The following TLE4 variants were observed in gnomAD, a reference collection of about 807,000 sequenced individuals.
The protein encoded by TLE4 is TLE family member 4, transcriptional corepressor, also known as transducin-like enhancer protein 4.
In TLE4, 8 loss-of-function variants were observed where a neutral mutation model predicts 92.8. The ratio of observed to expected loss-of-function variants is 0.09; its 90% CI spans 0.05 to 0.16. The LOEUF is 0.16. TLE4 is among the 10% of genes least tolerant of loss of function. The pLI is 1.00. For missense variants in TLE4, 675 were observed against 997.6 expected, an observed-to-expected ratio of 0.68 and a Z score of 4.36; for synonymous variants, 371 against 374.1, an observed-to-expected ratio of 0.99 and a Z score of 0.10.
intron 4 of TLE4, among the ~76,000 whole-genome samples, chr9:79,593,182 G>A (rs2043113024): frequency 6.6e-6 from 1 of 152,016 alleles, no homozygotes; most frequent in South Asian, 2.1e-4. Context: ...TTGCTTGGTG[G>A]CATAAAGCCA....
At chr9:79,686,880 A>T (rs1316823) in intron 8 of TLE4, among the ~76,000 whole-genome samples, 1 of 152,044 alleles carries the variant, frequency 6.6e-6, no homozygotes, top group African/African-American at 2.4e-5. Flanking sequence ...GTGTTTCATC[A>T]TCAGTGAAGT....
intron 5 of TLE4, among the ~76,000 whole-genome samples, chr9:79,615,989 G>T (rs1347615544): frequency 6.6e-6 from 1 of 152,126 alleles, no homozygotes; most frequent in East Asian, 1.9e-4. Context: ...GAAAAACCTT[G>T]TGAACCCTCA....
chr9:79,706,060 T>C, intron 10 of TLE4, 118 bp downstream of exon 10: 1 of 1,023,992 alleles, frequency 9.8e-7, no homozygotes, highest in Non-Finnish European at 1.6e-6. Context: ...GTTGTTGTTT[T>C]TTGAGGCAGG....
intron 14 of TLE4, among the ~76,000 whole-genome samples, chr9:79,712,514 C>T (rs1276129678): frequency 6.6e-6 from 1 of 152,180 alleles, no homozygotes; most frequent in African/African-American, 2.4e-5. Flanking sequence ...CTTCCTCCAC[C>T]ATACATACCC....
chr9:79,609,447 A>C (rs962104681), intron 4 of TLE4, among the ~76,000 whole-genome samples: 8 of 152,044 alleles, frequency 5.3e-5, no homozygotes, highest in African/African-American at 1.9e-4. Context: ...AGAATGGTGT[A>C]AAGGTGGGTA....
At chr9:79,654,213 T>A in intron 8 of TLE4, 138 bp downstream of exon 8, 2 of 859,110 alleles carry the variant, frequency 2.3e-6, no homozygotes, top group Non-Finnish European at 1.8e-6. Flanking sequence ...TTAAAATTAC[T>A]TTCAGGTGTG....
chr9:79,589,980 T>C (rs568293051), intron 4 of TLE4, among the ~76,000 whole-genome samples: 42 of 152,102 alleles, frequency 2.8e-4, no homozygotes, highest in African/African-American at 8.9e-4. Context: ...ACAATATGGG[T>C]TCGTTTTTAT....
chr9:79,626,709 G>A (rs1042579858), intron 5 of TLE4, among the ~76,000 whole-genome samples: 14 of 152,046 alleles, frequency 9.2e-5, no homozygotes, highest in Admixed American at 6.6e-4. Flanking sequence ...TGTACTGTCC[G>A]TCCTAGTTTT....
chr9:79,695,527 T>C (rs1176482715), intron 8 of TLE4, among the ~76,000 whole-genome samples: 2 of 152,124 alleles, frequency 1.3e-5, no homozygotes, highest in Non-Finnish European at 2.9e-5. Context: ...CAGAACCAAG[T>C]TTTGTGCCCA....
At chr9:79,676,680 G>A (rs952692422) in intron 8 of TLE4, among the ~76,000 whole-genome samples, 1 of 152,092 alleles carries the variant, frequency 6.6e-6, no homozygotes, top group South Asian at 2.1e-4. Context: ...CAGGGGAGGC[G>A]TGGCCATCGT....
chr9:79,688,178 T>C (rs191943481), intron 8 of TLE4, among the ~76,000 whole-genome samples: 1 of 152,312 alleles, frequency 6.6e-6, no homozygotes, highest in East Asian at 1.9e-4. Flanking sequence ...CCTATAGTGC[T>C]TATAAGGACC....
intron 8 of TLE4, among the ~76,000 whole-genome samples, chr9:79,702,438 C>T (rs1374177001): frequency 2.0e-5 from 3 of 152,088 alleles, no homozygotes; most frequent in Non-Finnish European, 2.9e-5. Context: ...TTTCAGTGGT[C>T]ATGAAAACCT....
intron 8 of TLE4, among the ~76,000 whole-genome samples, chr9:79,686,862 T>TGA (rs2065970314): frequency 6.6e-6 from 1 of 152,246 alleles, no homozygotes; most frequent in African/African-American, 2.4e-5. Flanking sequence ...GAAGTTTATC[T>TGA]GTCAGTTGTG....
At chr9:79,643,138 A>G (rs7869294) in intron 6 of TLE4, among the ~76,000 whole-genome samples, 7,411 of 152,324 alleles carry the variant, frequency 0.049, 392 homozygotes, top group African/African-American at 0.13. Context: ...ACAACTACAG[A>G]GAAATTGAAT....
At chr9:79,647,774 A>G (rs2058319824) in intron 6 of TLE4, among the ~76,000 whole-genome samples, 1 of 152,086 alleles carries the variant, frequency 6.6e-6, no homozygotes, top group Non-Finnish European at 1.5e-5. Flanking sequence ...TAGCACATAT[A>G]TATGTATTTA....
At chr9:79,610,835 C>G (rs76032197) in intron 4 of TLE4, among the ~76,000 whole-genome samples, 78 of 151,920 alleles carry the variant, frequency 5.1e-4, no homozygotes, top group Non-Finnish European at 9.9e-4. Flanking sequence ...TCCTTAGAGT[C>G]GTTTTTATTG....
At chr9:79,665,385 T>A (rs2061228085) in intron 8 of TLE4, among the ~76,000 whole-genome samples, 1 of 152,206 alleles carries the variant, frequency 6.6e-6, no homozygotes, top group Non-Finnish European at 1.5e-5. Flanking sequence ...ATGTTCCTGT[T>A]AAAATATGGA....
Position 79,573,258 on chromosome 9 carries a change from G to T in TLE4, c.45+423G>T, listed in dbSNP as rs553706019. The T allele has an allele frequency of 5.9e-6, 6 of 1,019,660 alleles. No homozygotes were observed. In the South Asian group the frequency reaches 2.0e-4, roughly 35 times the overall value. The allele number at this position is 1,019,660 out of a possible 1,614,324, so 63.2% of individuals were successfully genotyped here. A position where few individuals can be genotyped will look rare whatever the true frequency, so the allele number is the denominator to read the frequency against. ...CCCTCGCGCCGCGGGCCGCCGGGGC[G>T]AGCGGGCGAACGAACGAGCCGAGAG... On this transcript the variant is annotated intron_variant, in intron 1 of 19. Transcript: ENST00000376552.
intron 8 of TLE4, among the ~76,000 whole-genome samples, chr9:79,673,553 T>G (rs986695037): frequency 1.3e-5 from 2 of 152,210 alleles, no homozygotes; most frequent in East Asian, 3.8e-4. Flanking sequence ...TTTCAAATTA[T>G]TTTCTGCATA....
Sources: gnomAD v4.1 joint callset for allele counts (sites outside exome capture counted in the v4.1 genomes callset) on GRCh38, gnomAD v4.1.1 for gene constraint, MANE v1.5 for transcripts, NCBI Gene and HGNC (gene_info 2026-07-23, HGNC 2026-07-21) for gene names.